The following NSUN4 variants were observed in gnomAD, a reference collection of about 807,000 sequenced individuals.
The protein encoded by NSUN4 is 5-cytosine rRNA methyltransferase NSUN4.
A neutral mutation model predicts 43.8 loss-of-function variants in NSUN4; 31 were observed. The ratio of observed to expected loss-of-function variants is 0.71; its 90% CI spans 0.53 to 0.96. The LOEUF is 0.96. Among genes scored for constraint, NSUN4 ranks in the 40% least tolerant of loss-of-function variants. NSUN4 has a pLI of 0.00. For missense variants in NSUN4, 439 were observed against 475.6 expected, an observed-to-expected ratio of 0.92 and a Z score of 0.72; for synonymous variants, 167 against 184.1, an observed-to-expected ratio of 0.91 and a Z score of 0.75.
chr1:46,378,385 C>T, the NSUN4 span, among the ~76,000 whole-genome samples: 41 of 151,956 alleles, frequency 2.7e-4, no homozygotes, highest in South Asian at 6.2e-4. Context: ...TTAGTAGAGA[C>T]GAGGTTTCAT....
chr1:46,368,442 C>T (rs183561611), downstream of NSUN4, among the ~76,000 whole-genome samples: 167 of 152,258 alleles, frequency 1.1e-3, no homozygotes, highest in Non-Finnish European at 1.5e-3. Context: ...CAAGAAGCCT[C>T]GCAACTTCCA....
rs1662731427 is a variant in NSUN4 at position 46,348,808 on chromosome 1, G to GCTTT, written c.592+1733_592+1734insCTTT. Among the ~76,000 whole-genome samples the GCTTT allele has an allele frequency of 6.4e-5, 5 of 77,842 alleles. No homozygotes were observed. In the Admixed American group the frequency reaches 7.8e-4, roughly 12 times the overall value. 51.1% of individuals were successfully genotyped at this position (77,842 alleles called of 152,430 possible). On this transcript the variant is annotated intron_variant, in intron 3 of 5. Coordinates refer to ENST00000474844, the MANE Select transcript of NSUN4 (RefSeq NM_199044.4). ...TAGCCCAGCGAAGGCCTTGTGCACT[G>GCTTT]TTTTTTTTTTTTTTTTTTTTTTTTG...
rs1163907885 is a variant in NSUN4, at chr1:46,346,821, A to AT, written c.438-98dup. The AT allele has an allele frequency of 5.6e-6, 5 of 899,566 alleles. No homozygotes were observed. In the African/African-American group the frequency reaches 8.3e-5, roughly 15 times the overall value. The allele number at this position is 899,566 out of a possible 1,614,324, so 55.7% of individuals were successfully genotyped here. A position where few individuals can be genotyped will look rare whatever the true frequency, so the allele number is the denominator to read the frequency against. On this transcript the variant is annotated intron_variant, in intron 2 of 5. Coordinates refer to ENST00000474844, the MANE Select transcript of NSUN4 (RefSeq NM_199044.4). ...GGGTCTGAAAAATGAGTTTTTGGTG[A>AT]TTGGAGCTCAAGCCCCAGAGGGCAT... is the stretch of plus-strand genomic sequence containing the variant.
chr1:46,341,068 A>G, intron 1 of NSUN4, 149 bp downstream of exon 1: 2 of 1,149,814 alleles, frequency 1.7e-6, no homozygotes, highest in East Asian at 2.7e-5. Context: ...CTTTTCCGTC[A>G]CCGCCTCTGT....
the NSUN4 span, among the ~76,000 whole-genome samples, chr1:46,373,733 C>T: frequency 2.0e-5 from 3 of 152,184 alleles, no homozygotes; most frequent in Admixed American, 6.5e-5. Context: ...AATCCACTCA[C>T]GAAGGCAGAC....
the NSUN4 span, among the ~76,000 whole-genome samples, chr1:46,375,417 A>G: frequency 1.3e-5 from 2 of 148,800 alleles, no homozygotes; most frequent in Non-Finnish European, 3.0e-5. Flanking sequence ...CCTGGGCAAT[A>G]AGAGCAAAAC....
At chr1:46,373,022 C>CT in the NSUN4 span, among the ~76,000 whole-genome samples, 1 of 152,142 alleles carries the variant, frequency 6.6e-6, no homozygotes, top group Non-Finnish European at 1.5e-5. Context: ...CATTCAGCCT[C>CT]TTTGCCCATT....
chr1:46,374,137 A>G, the NSUN4 span, among the ~76,000 whole-genome samples: 1 of 151,672 alleles, frequency 6.6e-6, no homozygotes, highest in Admixed American at 6.6e-5. Flanking sequence ...AAATACAAAA[A>G]TAGCTGGGCG....
In NSUN4 at chr1:46,340,807, AC is replaced by A. The variant is rs746854833; in HGVS notation, c.-16del. On this transcript the variant is annotated 5_prime_UTR_variant, in exon 1 of 6. Transcript: ENST00000474844. Reference sequence around the variant, plus strand: ...TCCTGTCGCGGTTCCGGTCGGAATTACCCCGTGGAGCACGCCGATATGGCTG... The same window carrying A: ...TCCTGTCGCGGTTCCGGTCGGAATTACCCGTGGAGCACGCCGATATGGCTG... 7 of 1,600,976 alleles carry A rather than the reference AC, an allele frequency of 4.4e-6. No individual in the cohort carries two copies. Among genetic ancestry groups the A allele is most frequent in the Non-Finnish European group, 5.1e-6 (6 of 1,173,860 alleles).
At chr1:46,355,479 A>G (rs900166369) in intron 4 of NSUN4, among the ~76,000 whole-genome samples, 1 of 152,212 alleles carries the variant, frequency 6.6e-6, no homozygotes, top group East Asian at 1.9e-4. Flanking sequence ...CATCTGTAAA[A>G]TGAGGATAAT....
intron 3 of NSUN4, among the ~76,000 whole-genome samples, chr1:46,351,703 C>T (rs1204020998): frequency 4.0e-5 from 5 of 125,718 alleles, no homozygotes; most frequent in African/African-American, 6.1e-5. Context: ...CTTGCTCTGT[C>T]GCCCAGGCTG....
At chr1:46,354,239 T>G (rs1569756917) in intron 4 of NSUN4, among the ~76,000 whole-genome samples, 1 of 151,928 alleles carries the variant, frequency 6.6e-6, no homozygotes, top group Non-Finnish European at 1.5e-5. Context: ...CCCGAGTAGC[T>G]GGGACTAGAG....
At chr1:46,375,844 C>T in the NSUN4 span, among the ~76,000 whole-genome samples, 9 of 151,432 alleles carry the variant, frequency 5.9e-5, no homozygotes, top group East Asian at 3.9e-4. Flanking sequence ...CGGTGGCTCA[C>T]GCCTGTAATC....
At chr1:46,370,800 C>T in the NSUN4 span, 2 of 152,328 alleles carry the variant, frequency 1.3e-5, no homozygotes, top group Admixed American at 1.3e-4. Context: ...ACCACTTCTC[C>T]AATGGATTCA....
intron 1 of NSUN4, chr1:46,342,857 C>T (rs948671857): frequency 2.3e-5 from 9 of 400,000 alleles, no homozygotes; most frequent in African/African-American, 8.2e-5. Context: ...AGCCCAAGCC[C>T]GCTAAGGCCC....
chr1:46,377,588 C>G, the NSUN4 span, among the ~76,000 whole-genome samples: 3 of 152,226 alleles, frequency 2.0e-5, no homozygotes, highest in African/African-American at 7.2e-5. Flanking sequence ...TGACTCAACA[C>G]TCAGACTGAT....
chr1:46,341,942 C>T, intron 1 of NSUN4: 1 of 1,232,892 alleles, frequency 8.1e-7, no homozygotes, highest in Non-Finnish European at 1.0e-6. Flanking sequence ...GCCCGGCAAC[C>T]TCCTTTCCCC....
the NSUN4 span, among the ~76,000 whole-genome samples, chr1:46,373,378 T>C: frequency 6.6e-6 from 1 of 152,190 alleles, no homozygotes; most frequent in Non-Finnish European, 1.5e-5. Context: ...TGTGTCTTAG[T>C]CTGTTTTCTG....
At chr1:46,368,235 C>T (rs890465536), downstream of NSUN4, among the ~76,000 whole-genome samples, 7 of 152,226 alleles carry the variant, frequency 4.6e-5, no homozygotes, top group Middle Eastern at 3.4e-3. Context: ...TCCTCTCATG[C>T]CACCCCTTAT....
Sources: gnomAD v4.1 joint callset for allele counts (sites outside exome capture counted in the v4.1 genomes callset) on GRCh38, gnomAD v4.1.1 for gene constraint, MANE v1.5 for transcripts, NCBI Gene and HGNC (gene_info 2026-07-23, HGNC 2026-07-21) for gene names.